Variants in PLCL2 observed in about 807,000 individuals in gnomAD.
The protein encoded by PLCL2 is inactive phospholipase C-like protein 2.
A neutral mutation model predicts 79.6 loss-of-function variants in PLCL2; 4 were observed. The ratio of observed to expected loss-of-function variants is 0.05; its 90% CI spans 0.02 to 0.11. The LOEUF (loss-of-function observed/expected upper bound fraction) is 0.11. PLCL2 is among the 10% of genes least tolerant of loss of function. The probability of loss-of-function intolerance (pLI) is 1.00; values close to 1 mark genes in which losing one functional copy is unlikely to be tolerated. For missense variants in PLCL2, 895 were observed against 1,291.0 expected (o/e 0.69, Z 4.70); for synonymous variants, 484 against 457.7 (o/e 1.06, Z -0.73).
Position 17,090,089 on chromosome 3 carries a change from G to C in PLCL2, c.*177G>C. 1 of 1,312,188 alleles carries C rather than the reference G, an allele frequency of 7.6e-7. No individual in the cohort carries two copies. The highest frequency in any genetic ancestry group is 9.7e-7 in the Non-Finnish European group (1 of 1,030,540). The allele number at this position is 1,312,188 out of a possible 1,614,324, so 81.3% of individuals were successfully genotyped here. A position where few individuals can be genotyped will look rare whatever the true frequency, so the allele number is the denominator to read the frequency against. On this transcript the variant is annotated 3_prime_UTR_variant, in exon 6 of 6. Transcript: ENST00000615277. The stretch of plus-strand genomic sequence containing the variant: ...GTATGTAGCAATCCTGCGTGTGAAG[G>C]CAAATAAACTCTTTAACAGGCAATT...
intron 1 of PLCL2, among the ~76,000 whole-genome samples, chr3:16,946,508 GTTACA>G (rs1429632805): frequency 6.6e-6 from 1 of 152,054 alleles, no homozygotes; most frequent in Non-Finnish European, 1.5e-5. Flanking sequence ...CATTATTTCA[GTTACA>G]TTGTGGATTA....
At chr3:16,993,726 A>G (rs1047360897) in intron 1 of PLCL2, among the ~76,000 whole-genome samples, 9 of 152,222 alleles carry the variant, frequency 5.9e-5, no homozygotes, top group Non-Finnish European at 1.0e-4. Flanking sequence ...TGTAAAATCT[A>G]AGCATGACTT....
chr3:16,998,094 T>G (rs983464021), intron 1 of PLCL2, among the ~76,000 whole-genome samples: 6 of 152,162 alleles, frequency 3.9e-5, no homozygotes, highest in South Asian at 2.1e-4. Flanking sequence ...TGCTGATGGA[T>G]CTCTAAGAAA....
At chr3:16,948,846 GA>G (rs1575546375) in intron 1 of PLCL2, among the ~76,000 whole-genome samples, 2 of 152,214 alleles carry the variant, frequency 1.3e-5, no homozygotes, top group East Asian at 3.9e-4. Flanking sequence ...TGAAATGTTT[GA>G]AAAAATCCAG....
chr3:16,999,107 A>G (rs912291389), intron 1 of PLCL2, among the ~76,000 whole-genome samples: 2 of 152,228 alleles, frequency 1.3e-5, no homozygotes, highest in African/African-American at 4.8e-5. Context: ...CAAGACTTAA[A>G]TGATCATTTT....
rs548987868 is a variant in PLCL2, at chr3:17,073,318, T to G, written c.3204+5253T>G. On this transcript the variant is annotated intron_variant, in intron 5 of 5. Transcript: ENST00000615277. ...ATATTTACACTATAATGTAGTCTATTAAGTGTGCAGTAGCTTTTATGTCTA... is the reference window on the plus strand; with the variant it reads ...ATATTTACACTATAATGTAGTCTATGAAGTGTGCAGTAGCTTTTATGTCTA... Among the ~76,000 whole-genome samples the G allele has an allele frequency of 2.3e-4, 35 of 152,342 alleles. 1 individual carries two copies. The South Asian group carries it at 6.4e-3, about 28-fold the overall frequency.
At chr3:16,989,207 G>T (rs1353146416) in intron 1 of PLCL2, among the ~76,000 whole-genome samples, 1 of 152,150 alleles carries the variant, frequency 6.6e-6, no homozygotes, top group African/African-American at 2.4e-5. Context: ...ATATATGAAT[G>T]ATAGTCCCTC....
At chr3:16,913,864 T>C (rs1379713254) in intron 1 of PLCL2, among the ~76,000 whole-genome samples, 2 of 152,214 alleles carry the variant, frequency 1.3e-5, no homozygotes, top group African/African-American at 2.4e-5. Context: ...TTGCTCCTAT[T>C]ATGAATAAAA....
chr3:16,960,083 C>T (rs565415024), intron 1 of PLCL2, among the ~76,000 whole-genome samples: 8 of 152,094 alleles, frequency 5.3e-5, no homozygotes, highest in South Asian at 2.1e-4. Context: ...CCAGCGTGGG[C>T]GACAGAGGAA....
intron 1 of PLCL2, among the ~76,000 whole-genome samples, chr3:16,996,650 G>T (rs1366686672): frequency 2.0e-5 from 3 of 151,882 alleles, no homozygotes; most frequent in Non-Finnish European, 4.4e-5. Context: ...CTGAAAAAGA[G>T]ATATGGTAGA....
chr3:17,007,627 A>T (rs1036703411), intron 1 of PLCL2, among the ~76,000 whole-genome samples: 3 of 152,236 alleles, frequency 2.0e-5, no homozygotes, highest in African/African-American at 7.2e-5. Context: ...CATATGATTT[A>T]AAGTTTAAGT....
intron 3 of PLCL2, among the ~76,000 whole-genome samples, chr3:17,015,683 A>G: frequency 6.6e-6 from 1 of 152,290 alleles, no homozygotes; most frequent in Middle Eastern, 3.4e-3. Context: ...TATTTAGAGT[A>G]CTTGGGGGTG....
chr3:17,055,631 C>T (rs1051570171), intron 4 of PLCL2, among the ~76,000 whole-genome samples: 1 of 152,172 alleles, frequency 6.6e-6, no homozygotes, highest in African/African-American at 2.4e-5. Flanking sequence ...TCAGAATCCC[C>T]TGGGAATGCT....
intron 4 of PLCL2, among the ~76,000 whole-genome samples, chr3:17,053,519 C>G (rs1190794015): frequency 6.6e-6 from 1 of 152,160 alleles, no homozygotes; most frequent in Non-Finnish European, 1.5e-5. Context: ...CCTCCCAGAT[C>G]TCATGTCCTT....
In PLCL2 at chr3:16,920,017, A is replaced by C. The variant is rs9876591; in HGVS notation, c.327+34651A>C. ...ACCAGAGTATAATCTTGTCAACCCCAATTTTATTTTCCTGACTGCCTCTGA... is the reference window on the plus strand; with the variant it reads ...ACCAGAGTATAATCTTGTCAACCCCCATTTTATTTTCCTGACTGCCTCTGA... On this transcript the variant is annotated intron_variant, in intron 1 of 5. Coordinates refer to ENST00000615277, the MANE Select transcript of PLCL2 (RefSeq NM_001144382.2). Among the ~76,000 whole-genome samples, 949 of 152,236 alleles carry C rather than the reference A, an allele frequency of 6.2e-3. 10 individuals carry two copies. The highest frequency in any genetic ancestry group is 0.021 in the African/African-American group (878 of 41,544).
chr3:16,997,684 G>A (rs533771968), intron 1 of PLCL2, among the ~76,000 whole-genome samples: 2 of 151,634 alleles, frequency 1.3e-5, no homozygotes, highest in East Asian at 1.9e-4. Flanking sequence ...GATTACAGGC[G>A]CCTGCCACCA....
chr3:17,072,694 A>G (rs2065072382), intron 5 of PLCL2, among the ~76,000 whole-genome samples: 1 of 151,522 alleles, frequency 6.6e-6, no homozygotes, highest in African/African-American at 2.4e-5. Context: ...AAAAGACAAT[A>G]TGAGCATTCT....
At chr3:16,970,319 T>G (rs2063848406) in intron 1 of PLCL2, among the ~76,000 whole-genome samples, 2 of 151,908 alleles carry the variant, frequency 1.3e-5, no homozygotes, top group Non-Finnish European at 2.9e-5. Flanking sequence ...GTGTTTGGTT[T>G]TTTGTTCTTG....
At chr3:17,031,993 A>T (rs2064588654) in intron 3 of PLCL2, among the ~76,000 whole-genome samples, 1 of 150,786 alleles carries the variant, frequency 6.6e-6, no homozygotes, top group Non-Finnish European at 1.5e-5. Context: ...AGAAACTACA[A>T]GATCAAATTC....
Sources: gnomAD v4.1 joint callset for allele counts (sites outside exome capture counted in the v4.1 genomes callset) on GRCh38, gnomAD v4.1.1 for gene constraint, MANE v1.5 for transcripts, NCBI Gene and HGNC (gene_info 2026-07-23, HGNC 2026-07-21) for gene names.